The following CIBAR2 variants were observed in gnomAD, a reference collection of about 807,000 sequenced individuals.
The protein encoded by CIBAR2 is CBY1 interacting BAR domain containing 2, also known as CBY1-interacting BAR domain-containing protein 2.
A neutral mutation model predicts 36.2 loss-of-function variants in CIBAR2; 38 were observed. The observed-to-expected ratio is 1.05, with a 90% CI of 0.81 to 1.38. The LOEUF is 1.38. Among genes scored for constraint, CIBAR2 ranks in the 40% most tolerant of loss-of-function variants. The probability of loss-of-function intolerance (pLI) is 0.00; values close to 1 mark genes in which losing one functional copy is unlikely to be tolerated. For missense variants in CIBAR2, 481 were observed against 383.4 expected, an observed-to-expected ratio of 1.25 and a Z score of -2.13; for synonymous variants, 182 against 149.5, an observed-to-expected ratio of 1.22 and a Z score of -1.58.
At chr16:85,111,340 T>A (rs72807619) in intron 1 of CIBAR2, among the ~76,000 whole-genome samples, 1 of 152,154 alleles carries the variant, frequency 6.6e-6, no homozygotes, top group African/African-American at 2.4e-5. Flanking sequence ...GGTATCACCA[T>A]GTGAAAATGC....
chr16:85,108,148 C>T, intron 2 of CIBAR2, 49 bp from the exon 3 acceptor site: 1 of 1,538,882 alleles, frequency 6.5e-7, no homozygotes. Flanking sequence ...TGCTGCCTGC[C>T]TCCAGCCTGG....
chr16:85,098,400 G>C lies in CIBAR2; in HGVS notation c.*785C>G, dbSNP rs543743377. 1.1e-4 allele frequency: 33 copies of C among 304,030 alleles called. No individual in the cohort carries two copies. The highest frequency in any genetic ancestry group is 7.2e-4 in the African/African-American group (32 of 44,338). The allele number at this position is 304,030 out of a possible 1,614,324, so 18.8% of individuals were successfully genotyped here. Reference sequence around the variant, plus strand: ...TTATTGAACACCTACTATATGCCAGGCACAGCGATCCCCCAGAGCAACCTG... The same window carrying C: ...TTATTGAACACCTACTATATGCCAGCCACAGCGATCCCCCAGAGCAACCTG... On this transcript the variant is annotated 3_prime_UTR_variant, in exon 9 of 9. Coordinates refer to ENST00000539556, the MANE Select transcript of CIBAR2 (RefSeq NM_198491.3).
intron 5 of CIBAR2, 138 bp downstream of exon 5, chr16:85,107,529 C>A: frequency 7.9e-6 from 7 of 887,674 alleles, no homozygotes; most frequent in Non-Finnish European, 1.3e-5. Flanking sequence ...TTTACTGGTA[C>A]CTTTGGCTTT....
At chr16:85,107,148 CA>C (rs898779534) in intron 5 of CIBAR2, among the ~76,000 whole-genome samples, 11 of 148,138 alleles carry the variant, frequency 7.4e-5, no homozygotes, top group African/African-American at 2.0e-4. Flanking sequence ...CTTTGTCTCT[CA>C]AAAAAAAGGG....
At chr16:85,100,720 G>A (rs1316522553) in intron 7 of CIBAR2, among the ~76,000 whole-genome samples, 1 of 152,166 alleles carries the variant, frequency 6.6e-6, no homozygotes, top group African/African-American at 2.4e-5. Flanking sequence ...ATATGGCAAA[G>A]CCACACTGGG....
chr16:85,103,231 G>A (rs1013331164), intron 6 of CIBAR2, among the ~76,000 whole-genome samples: 5 of 152,080 alleles, frequency 3.3e-5, no homozygotes, highest in African/African-American at 7.2e-5. Flanking sequence ...TGCCACATGC[G>A]GACTCATAGC....
At position 85,110,293 on chromosome 16, in the gene CIBAR2, T is replaced by C; in HGVS notation, c.188A>G (p.Glu63Gly). 6.2e-7 allele frequency: 1 copy of C among 1,610,748 alleles called. No individual in the cohort carries two copies. Among genetic ancestry groups the C allele is most frequent in the Non-Finnish European group, 8.5e-7 (1 of 1,177,946 alleles). ...GAAGCCCCTCATGGTGGCCCGCAGC[T>C]CGGGGTTCTCGGAGTTGGCAAAGTC... ...LIDFANSENP[E>G]LRATMRGFAE... Residue 63 changes from glutamate to glycine, a missense_variant, in exon 2 of 9, where the codon GAG (glutamate) becomes GGG (glycine). Physicochemically the swap from Glu to Gly is moderately conservative, Grantham distance 98. Coordinates refer to ENST00000539556, the MANE Select transcript of CIBAR2 (RefSeq NM_198491.3).
chr16:85,100,990 G>A (rs1240276933), intron 7 of CIBAR2, among the ~76,000 whole-genome samples: 1 of 151,572 alleles, frequency 6.6e-6, no homozygotes, highest in East Asian at 1.9e-4. Flanking sequence ...GAGTTGCAGT[G>A]AGCCGAGATA....
rs759306987 is a variant in CIBAR2, at chr16:85,112,374, C to T, written c.-22G>A. 2 of 1,613,226 alleles carry T rather than the reference C, an allele frequency of 1.2e-6. No homozygotes were observed. Among genetic ancestry groups the T allele is most frequent in the Non-Finnish European group, 1.7e-6 (2 of 1,179,400 alleles). ...TCATTGTGACCAGAGCTTTGGCTGT[C>T]CCGGTGCTGGGGAATAAGGACAGGG... On this transcript the variant is annotated 5_prime_UTR_variant, in exon 1 of 9. Transcript: ENST00000539556.
intron 2 of CIBAR2, among the ~76,000 whole-genome samples, chr16:85,108,988 G>A (rs185076566): frequency 2.4e-4 from 36 of 152,310 alleles, no homozygotes; most frequent in Non-Finnish European, 3.1e-4. Flanking sequence ...CAAGGAAGAT[G>A]GCACCCTGTC....
chr16:85,108,350 A>G (rs1481455447), intron 2 of CIBAR2, among the ~76,000 whole-genome samples: 2 of 152,112 alleles, frequency 1.3e-5, no homozygotes, highest in Non-Finnish European at 2.9e-5. Flanking sequence ...CTGTCAAATG[A>G]GGTCATGGAT....
chr16:85,109,357 C>A (rs942567971), intron 2 of CIBAR2, among the ~76,000 whole-genome samples: 1 of 152,102 alleles, frequency 6.6e-6, no homozygotes, highest in African/African-American at 2.4e-5. Flanking sequence ...AGGCCTCTTA[C>A]TGGGGGACAG....
At chr16:85,102,967 T>C (rs979483561) in intron 6 of CIBAR2, among the ~76,000 whole-genome samples, 1 of 151,198 alleles carries the variant, frequency 6.6e-6, no homozygotes, top group Admixed American at 6.6e-5. Flanking sequence ...AGTGGTGTGA[T>C]CTCGGCTCAC....
rs147260237 is a variant in CIBAR2 at position 85,108,218 on chromosome 16, G to C, written c.256-119C>G. 5.7e-6 allele frequency: 5 copies of C among 878,054 alleles called. No individual in the cohort carries two copies. The East Asian group carries it at 1.3e-4, about 23-fold the overall frequency. The allele number at this position is 878,054 out of a possible 1,614,324, so 54.4% of individuals were successfully genotyped here. On this transcript the variant is annotated intron_variant, in intron 2 of 8. Coordinates refer to ENST00000539556, the MANE Select transcript of CIBAR2 (RefSeq NM_198491.3). ...TGTCCAGAGCTGTGCGGCGGGAGGTGGAGCGCGAGGTGCCCTCCCTTTTCC... is the reference window on the plus strand; with the variant it reads ...TGTCCAGAGCTGTGCGGCGGGAGGTCGAGCGCGAGGTGCCCTCCCTTTTCC...
intron 5 of CIBAR2, among the ~76,000 whole-genome samples, chr16:85,106,591 C>A (rs922608930): frequency 1.3e-5 from 2 of 152,136 alleles, no homozygotes; most frequent in Non-Finnish European, 2.9e-5. Context: ...GGCCATGAGC[C>A]AAGGGATGTG....
intron 6 of CIBAR2, among the ~76,000 whole-genome samples, chr16:85,102,865 C>A (rs2073966314): frequency 6.6e-6 from 1 of 151,564 alleles, no homozygotes; most frequent in African/African-American, 2.4e-5. Context: ...GCTTGCTTTT[C>A]CCCTGCTAAC....
At chr16:85,108,634 A>C (rs919927953) in intron 2 of CIBAR2, among the ~76,000 whole-genome samples, 2 of 152,050 alleles carry the variant, frequency 1.3e-5, no homozygotes, top group Non-Finnish European at 2.9e-5. Flanking sequence ...GCACTTTGGG[A>C]GGCCGAGGCG....
In CIBAR2 at chr16:85,105,453, G is replaced by A. The variant is rs367843630; in HGVS notation, c.433-22C>T. ...CTGCCTGGCCCCAGGGACACAAGAC[G>A]TAGAAAGTGTCATGGGGGTGCTTCT... On this transcript the variant is annotated intron_variant, in intron 5 of 8. Transcript: ENST00000539556. The A allele has an allele frequency of 7.0e-6, 11 of 1,572,492 alleles. No homozygotes were observed. The African/African-American group carries it at 8.1e-5, about 12-fold the overall frequency.
intron 7 of CIBAR2, among the ~76,000 whole-genome samples, chr16:85,101,443 GC>G (rs2073954515): frequency 6.6e-6 from 1 of 152,044 alleles, no homozygotes; most frequent in African/African-American, 2.4e-5. Context: ...CCTGAGAACT[GC>G]CCACGTGAGC....
Sources: gnomAD v4.1 joint callset for allele counts (sites outside exome capture counted in the v4.1 genomes callset) on GRCh38, gnomAD v4.1.1 for gene constraint, MANE v1.5 for transcripts, NCBI Gene and HGNC (gene_info 2026-07-23, HGNC 2026-07-21) for gene names.